Variants in PRXL2A observed in about 807,000 individuals in gnomAD.
The protein encoded by PRXL2A is peroxiredoxin like 2A.
A neutral mutation model predicts 25.6 loss-of-function variants in PRXL2A; 26 were observed. The ratio of observed to expected loss-of-function variants is 1.02; its 90% CI spans 0.74 to 1.41. PRXL2A has a LOEUF of 1.41. PRXL2A is among the 40% of genes most tolerant of loss of function. The pLI is 0.00. For synonymous variants in PRXL2A, 98 were observed against 102.9 expected, an observed-to-expected ratio of 0.95 and a Z score of 0.29; for missense variants, 246 against 273.9, an observed-to-expected ratio of 0.90 and a Z score of 0.72.
intron 1 of PRXL2A, chr10:80,409,017 G>A (rs1844366743): frequency 5.1e-6 from 5 of 985,110 alleles, no homozygotes; most frequent in Non-Finnish European, 1.2e-6. Flanking sequence ...CAGAGGAGAG[G>A]GCCCTGCCCT....
chr10:80,431,779 C>T lies in PRXL2A; in HGVS notation c.577-207C>T, dbSNP rs560183227. Among the ~76,000 whole-genome samples, 106 of 152,292 alleles carry T rather than the reference C, an allele frequency of 7.0e-4. 2 individuals carry two copies. The highest frequency in any genetic ancestry group is 3.1e-3 in the East Asian group (16 of 5,178). ...CACTTCTGACTTCCTGCTTCTAGAG[C>T]TGCTGGTACAGGCCAGATGGATGTG... is the stretch of plus-strand genomic sequence containing the variant. On this transcript the variant is annotated intron_variant, in intron 5 of 5. Coordinates refer to ENST00000606162, the MANE Select transcript of PRXL2A (RefSeq NM_032333.5).
intron 1 of PRXL2A, among the ~76,000 whole-genome samples, chr10:80,413,188 G>A (rs1844531857): frequency 1.4e-5 from 2 of 141,264 alleles, no homozygotes; most frequent in Non-Finnish European, 3.0e-5. Context: ...CAGAGAAATC[G>A]ACTTTAGTTT....
chr10:80,432,172 C>T lies in PRXL2A; in HGVS notation c.*73C>T, dbSNP rs1589217386. 24 of 877,048 alleles carry T rather than the reference C, an allele frequency of 2.7e-5. 1 individual carries two copies. In the East Asian group the frequency reaches 5.1e-4, roughly 19 times the overall value. The allele number at this position is 877,048 out of a possible 1,614,324, so 54.3% of individuals were successfully genotyped here. A position where few individuals can be genotyped will look rare whatever the true frequency, so the allele number is the denominator to read the frequency against. On this transcript the variant is annotated 3_prime_UTR_variant, in exon 6 of 6. Coordinates refer to ENST00000606162, the MANE Select transcript of PRXL2A (RefSeq NM_032333.5). ...GTTCATGGGATGTATTGTTTCCACTCGTGTCCCTAAGGAGTGAGAAACCCA... is the reference window on the plus strand; with the variant it reads ...GTTCATGGGATGTATTGTTTCCACTTGTGTCCCTAAGGAGTGAGAAACCCA...
In PRXL2A at chr10:80,435,509, GCT is replaced by G. The variant is rs1400175797; in HGVS notation, c.*3413_*3414del. ...TTTTTTTCTTTATGTACAGGGTCTT[GCT>G]CTGTCACCTAGGCTAGAGTGTAATT... On this transcript the variant is annotated 3_prime_UTR_variant, in exon 6 of 6. Coordinates refer to ENST00000606162, the MANE Select transcript of PRXL2A (RefSeq NM_032333.5). 1 of 151,780 alleles carries G rather than the reference GCT, an allele frequency of 6.6e-6. No individual in the cohort carries two copies. The highest frequency in any genetic ancestry group is 2.4e-5 in the African/African-American group (1 of 41,296). 9.4% of individuals were successfully genotyped at this position (151,780 alleles called of 1,614,324 possible). A position where few individuals can be genotyped will look rare whatever the true frequency, so the allele number is the denominator to read the frequency against.
At chr10:80,419,587 C>T (rs1451935864) in intron 1 of PRXL2A, among the ~76,000 whole-genome samples, 1 of 152,024 alleles carries the variant, frequency 6.6e-6, no homozygotes, top group African/African-American at 2.4e-5. Context: ...GGATTACAGG[C>T]ATGAGCCACC....
intron 5 of PRXL2A, among the ~76,000 whole-genome samples, chr10:80,429,598 C>CCCTGCCCTGCCCTGCCCCTAGCCTCT (rs1413663857): frequency 7.4e-6 from 1 of 135,538 alleles, no homozygotes; most frequent in African/African-American, 2.7e-5. Context: ...TCCTGCCCTG[C>CCCTGCCCTGCCCTGCCCCTAGCCTCT]CCTGCCCTGC....
At chr10:80,420,442 T>G (rs1844823510) in intron 1 of PRXL2A, 24 bp from the exon 2 acceptor site, 1 of 1,553,420 alleles carries the variant, frequency 6.4e-7, no homozygotes, top group African/African-American at 1.4e-5. Flanking sequence ...CAGTAACGCC[T>G]TCTTCCTTCT....
chr10:80,419,067 C>T (rs914758629), intron 1 of PRXL2A, among the ~76,000 whole-genome samples: 2 of 152,110 alleles, frequency 1.3e-5, no homozygotes, highest in South Asian at 4.1e-4. Context: ...CTCACTGCAA[C>T]CTCCGCCTCC....
chr10:80,418,889 G>T (rs1167372815), intron 1 of PRXL2A, among the ~76,000 whole-genome samples: 1 of 152,168 alleles, frequency 6.6e-6, no homozygotes, highest in Non-Finnish European at 1.5e-5. Flanking sequence ...GACAGAACCC[G>T]CCTGGAGCTC....
chr10:80,426,067 A>T, intron 4 of PRXL2A, 61 bp downstream of exon 4: 1 of 1,602,352 alleles, frequency 6.2e-7, no homozygotes, highest in African/African-American at 1.3e-5. Flanking sequence ...GCTGTGTGAT[A>T]GTCAGGTGGC....
rs548307191 is a variant in PRXL2A, at chr10:80,425,828, C to T, written c.271-38C>T. On this transcript the variant is annotated intron_variant, in intron 3 of 5. Transcript: ENST00000606162. ...ACCCTATGTGGAGGCCCACAGCCAG[C>T]TGGGACAGATGTCCCTGAACCCTTG... 5.0e-6 allele frequency: 8 copies of T among 1,612,794 alleles called. No individual in the cohort carries two copies. In the South Asian group the frequency reaches 7.7e-5, roughly 16 times the overall value.
chr10:80,412,773 G>GCAA (rs1564687696), intron 1 of PRXL2A, among the ~76,000 whole-genome samples: 1 of 152,196 alleles, frequency 6.6e-6, no homozygotes, highest in Non-Finnish European at 1.5e-5. Flanking sequence ...AACAACATGA[G>GCAA]CAACACTTGC....
intron 3 of PRXL2A, among the ~76,000 whole-genome samples, chr10:80,425,488 G>A (rs1356873756): frequency 6.6e-6 from 1 of 152,226 alleles, no homozygotes; most frequent in Non-Finnish European, 1.5e-5. Context: ...AGAGAAGCAG[G>A]GCTTTACTTC....
rs143265287 is a variant in PRXL2A at position 80,412,271 on chromosome 10, C to T, written c.-3+3628C>T. Among the ~76,000 whole-genome samples, 976 of 152,224 alleles carry T rather than the reference C, an allele frequency of 6.4e-3. 10 individuals carry two copies. The highest frequency in any genetic ancestry group is 0.023 in the African/African-American group (935 of 41,552). The stretch of plus-strand genomic sequence containing the variant: ...ATTGCCCTGCTAGTGAGCAGTAGAG[C>T]GAGGACCCAGCCTAAGGTTACCTAA... On this transcript the variant is annotated intron_variant, in intron 1 of 5. Coordinates refer to ENST00000606162, the MANE Select transcript of PRXL2A (RefSeq NM_032333.5).
chr10:80,410,131 A>G (rs1162873310), intron 1 of PRXL2A, among the ~76,000 whole-genome samples: 2 of 152,238 alleles, frequency 1.3e-5, no homozygotes, highest in Non-Finnish European at 2.9e-5. Context: ...CTCTGTCCCT[A>G]TCTAAGCAAT....
chr10:80,413,731 G>T (rs777156574), intron 1 of PRXL2A: 12 of 488,670 alleles, frequency 2.5e-5, no homozygotes, highest in Non-Finnish European at 2.9e-5. Context: ...AGGGTTTCTG[G>T]GTGGCCTGGT....
intron 3 of PRXL2A, among the ~76,000 whole-genome samples, chr10:80,425,533 G>A (rs545925563): frequency 2.0e-5 from 3 of 152,328 alleles, no homozygotes; most frequent in Non-Finnish European, 4.4e-5. Flanking sequence ...TTTTAGAACG[G>A]GGATACCTTT....
Position 80,436,537 on chromosome 10 carries a change from T to C in PRXL2A, c.*4438T>C, listed in dbSNP as rs3195899. The C allele has an allele frequency of 0.36, 54,165 of 151,838 alleles. 11,054 individuals are homozygous for C. Among genetic ancestry groups the C allele is most frequent in the East Asian group, 0.82 (4,188 of 5,132 alleles). The allele number at this position is 151,838 out of a possible 1,614,324, so 9.4% of individuals were successfully genotyped here. The stretch of plus-strand genomic sequence containing the variant: ...CACACTCACGTCAGGAGACCTTACC[T>C]GGAGCCAGGATGCCCCTGATCATCT... On this transcript the variant is annotated 3_prime_UTR_variant, in exon 6 of 6. Transcript: ENST00000606162.
At chr10:80,430,319 C>T (rs1373545362) in intron 5 of PRXL2A, among the ~76,000 whole-genome samples, 1 of 152,084 alleles carries the variant, frequency 6.6e-6, no homozygotes, top group African/African-American at 2.4e-5. Flanking sequence ...CCAGACTGGT[C>T]TCAAACTCCT....
Sources: allele counts gnomAD v4.1 joint callset (sites outside exome capture counted in the v4.1 genomes callset), GRCh38; gene constraint gnomAD v4.1.1; transcripts MANE v1.5; gene names NCBI Gene and HGNC (gene_info 2026-07-23, HGNC 2026-07-21).